The following EPHA6 variants were observed in gnomAD, a reference collection of about 807,000 sequenced individuals.
EPHA6 encodes the protein EPH receptor A6.
EPHA6 carries 50 observed loss-of-function variants against 112.0 expected under a neutral mutation model. The ratio of observed to expected loss-of-function variants is 0.45; its 90% CI spans 0.36 to 0.56. The LOEUF (loss-of-function observed/expected upper bound fraction) is 0.56. Ranked by LOEUF, EPHA6 falls within the 20% of genes least tolerant of loss-of-function variation. EPHA6 has a pLI of 0.00. For missense variants in EPHA6, 1,280 were observed against 1,417.4 expected (o/e 0.90, Z 1.56); for synonymous variants, 529 against 490.7 (o/e 1.08, Z -1.03).
intron 3 of EPHA6, among the ~76,000 whole-genome samples, chr3:97,166,034 G>A (rs910485179): frequency 5.3e-5 from 8 of 151,982 alleles, no homozygotes; most frequent in African/African-American, 1.9e-4. Flanking sequence ...TATGTCATTT[G>A]GAATAGGCTT....
intron 14 of EPHA6, chr3:97,648,674 AC>A: frequency 9.5e-7 from 1 of 1,050,828 alleles, no homozygotes; most frequent in Non-Finnish European, 1.1e-6. Flanking sequence ...ACTTTCACTC[AC>A]TTTGTCTCTT....
In EPHA6 at chr3:97,493,541, T is replaced by G. The variant is rs547882557; in HGVS notation, c.2200+9482T>G. ...AAAACCTCATTTAGCCTTAATTTCT[T>G]CCAAAAGACCATATGTCCAGATGCT... On this transcript the variant is annotated intron_variant, in intron 10 of 17. Transcript: ENST00000389672. Among the ~76,000 whole-genome samples the G allele has an allele frequency of 4.6e-5, 7 of 152,126 alleles. No individual in the cohort carries two copies. The South Asian group carries it at 1.5e-3, about 32-fold the overall frequency.
intron 2 of EPHA6, among the ~76,000 whole-genome samples, chr3:96,979,238 G>A (rs1249020009): frequency 7.4e-6 from 1 of 134,468 alleles, no homozygotes; most frequent in African/African-American, 2.9e-5. Context: ...GCCCCGGTGT[G>A]TGATGTTCCC....
intron 14 of EPHA6, among the ~76,000 whole-genome samples, chr3:97,657,030 GA>G (rs1203048243): frequency 1.3e-5 from 2 of 151,820 alleles, no homozygotes; most frequent in Non-Finnish European, 2.9e-5. Context: ...ATGCTTTCTA[GA>G]TTACTCCTGC....
chr3:97,014,827 A>G (rs1012226407), intron 3 of EPHA6, among the ~76,000 whole-genome samples: 3 of 152,138 alleles, frequency 2.0e-5, no homozygotes, highest in Non-Finnish European at 4.4e-5. Flanking sequence ...TAACATAACA[A>G]TGCATGTTTA....
chr3:96,893,296 T>C (rs903794796), intron 2 of EPHA6, among the ~76,000 whole-genome samples: 1 of 152,188 alleles, frequency 6.6e-6, no homozygotes, highest in Non-Finnish European at 1.5e-5. Context: ...TTTCTACTTA[T>C]AAAAAAGTTT....
intron 5 of EPHA6, among the ~76,000 whole-genome samples, chr3:97,327,245 A>G (rs907805109): frequency 6.6e-6 from 1 of 152,020 alleles, no homozygotes; most frequent in African/African-American, 2.4e-5. Context: ...TATGCCATAT[A>G]TTGTTTTCAT....
At chr3:97,138,688 C>T (rs2075822677) in intron 3 of EPHA6, among the ~76,000 whole-genome samples, 2 of 152,188 alleles carry the variant, frequency 1.3e-5, no homozygotes, top group East Asian at 1.9e-4. Context: ...CAAGGAGGAC[C>T]CTCCACTGTC....
At chr3:97,191,516 T>G (rs980102877) in intron 3 of EPHA6, among the ~76,000 whole-genome samples, 2 of 152,142 alleles carry the variant, frequency 1.3e-5, no homozygotes, top group East Asian at 3.9e-4. Flanking sequence ...TCTCTATTTT[T>G]GTGAGTTCAA....
At chr3:97,342,813 A>G (rs768912984) in intron 5 of EPHA6, among the ~76,000 whole-genome samples, 12 of 152,194 alleles carry the variant, frequency 7.9e-5, no homozygotes, top group Non-Finnish European at 1.0e-4. Flanking sequence ...CTCCGTATCT[A>G]TGAGCACCTT....
At chr3:97,239,791 T>G (rs1227459095) in intron 4 of EPHA6, among the ~76,000 whole-genome samples, 1 of 151,714 alleles carries the variant, frequency 6.6e-6, no homozygotes, top group African/African-American at 2.4e-5. Context: ...GGTTTAACTT[T>G]TATTGAAAAA....
intron 5 of EPHA6, among the ~76,000 whole-genome samples, chr3:97,254,906 C>G (rs1174270645): frequency 1.3e-5 from 2 of 152,070 alleles, no homozygotes; most frequent in African/African-American, 2.4e-5. Flanking sequence ...GTCACCATCC[C>G]CTGCATCGTC....
chr3:97,725,445 G>A lies in EPHA6; in HGVS notation c.2934+5035G>A, dbSNP rs151335799. Among the ~76,000 whole-genome samples, 136 of 152,192 alleles carry A rather than the reference G, an allele frequency of 8.9e-4. 1 individual carries two copies. The highest frequency in any genetic ancestry group is 1.5e-3 in the Non-Finnish European group (100 of 67,992). On this transcript the variant is annotated intron_variant, in intron 15 of 17. Transcript: ENST00000389672. ...TTTCCCCATAATTACCTCTAGTGAG[G>A]GAGGAATTCCCCAAAGCAATGCAGT... is the stretch of plus-strand genomic sequence containing the variant.
intron 14 of EPHA6, among the ~76,000 whole-genome samples, chr3:97,657,826 C>G (rs1353080972): frequency 1.3e-5 from 2 of 151,868 alleles, no homozygotes; most frequent in East Asian, 3.9e-4. Context: ...AATTTCCAAT[C>G]TGGAAATTCA....
At position 97,277,789 on chromosome 3, in the gene EPHA6, T is replaced by C. The variant is rs543099414; in HGVS notation, c.1606+33502T>C. On this transcript the variant is annotated intron_variant, in intron 5 of 17. Transcript: ENST00000389672. ...TGGAGCTTATAGAACTGGAATTTGC[T>C]TGGACTGGAAGTTGCTCCAAGTCAG... Among the ~76,000 whole-genome samples, 270 of 152,342 alleles carry C rather than the reference T, an allele frequency of 1.8e-3. 3 individuals are homozygous for C. The highest frequency in any genetic ancestry group is 3.3e-3 in the South Asian group (16 of 4,832).
chr3:97,043,648 G>T (rs1014728415), intron 3 of EPHA6, among the ~76,000 whole-genome samples: 1 of 152,056 alleles, frequency 6.6e-6, no homozygotes, highest in Non-Finnish European at 1.5e-5. Context: ...TTTAGTTAGG[G>T]CTTTTGCTTG....
At chr3:97,136,971 A>G (rs2075784316) in intron 3 of EPHA6, among the ~76,000 whole-genome samples, 2 of 152,152 alleles carry the variant, frequency 1.3e-5, no homozygotes, top group South Asian at 2.1e-4. Flanking sequence ...GCAAATCTCA[A>G]TCTCACTCAT....
At chr3:96,862,590 G>A (rs2036071316) in intron 1 of EPHA6, among the ~76,000 whole-genome samples, 1 of 151,706 alleles carries the variant, frequency 6.6e-6, no homozygotes, top group Admixed American at 6.6e-5. Context: ...TCTCTTCCTT[G>A]TGTAATTTTT....
chr3:97,070,908 C>T (rs553047136), intron 3 of EPHA6, among the ~76,000 whole-genome samples: 10 of 152,130 alleles, frequency 6.6e-5, no homozygotes, highest in South Asian at 6.2e-4. Flanking sequence ...AGCAGATAAA[C>T]GGTATTATTT....
Sources: allele counts gnomAD v4.1 joint callset (sites outside exome capture counted in the v4.1 genomes callset), GRCh38; gene constraint gnomAD v4.1.1; transcripts MANE v1.5; gene names NCBI Gene and HGNC (gene_info 2026-07-23, HGNC 2026-07-21).